Variants in LYRM4 observed in about 807,000 individuals in gnomAD.
LYRM4 encodes LYR motif-containing protein 4.
Under a neutral mutation model 11.7 loss-of-function variants are expected in LYRM4, and 9 were observed. The observed-to-expected ratio is 0.77, with a 90% CI of 0.46 to 1.34. The LOEUF is 1.34. LYRM4 is among the 40% of genes most tolerant of loss of function. LYRM4 has a pLI of 0.00. For synonymous variants in LYRM4, 42 were observed against 40.4 expected, an observed-to-expected ratio of 1.04 and a Z score of -0.15; for missense variants, 133 against 112.5, an observed-to-expected ratio of 1.18 and a Z score of -0.82.
At chr6:5,227,729 C>G (rs556048593) in intron 1 of LYRM4, among the ~76,000 whole-genome samples, 2 of 152,286 alleles carry the variant, frequency 1.3e-5, no homozygotes, top group African/African-American at 4.8e-5. Context: ...GACTTGGAAC[C>G]AACCCAAATG....
intron 1 of LYRM4, among the ~76,000 whole-genome samples, chr6:5,250,934 T>C (rs1213853860): frequency 1.3e-5 from 2 of 152,222 alleles, no homozygotes; most frequent in South Asian, 4.1e-4. Flanking sequence ...TTAAAAAATA[T>C]TTCTGTAATA....
intron 2 of LYRM4, chr6:5,138,805 G>A (rs531992135): frequency 2.9e-5 from 37 of 1,259,244 alleles, no homozygotes; most frequent in Admixed American, 2.4e-4. Context: ...AGAGTTCTTT[G>A]GGATTTCAAA....
chr6:5,075,049 C>T, the LYRM4 span, among the ~76,000 whole-genome samples: 1 of 152,094 alleles, frequency 6.6e-6, no homozygotes, highest in African/African-American at 2.4e-5. Flanking sequence ...CCCACCCTTG[C>T]TCCCTCTCTT....
intron 2 of LYRM4, among the ~76,000 whole-genome samples, chr6:5,146,451 T>A (rs1757728674): frequency 6.6e-6 from 1 of 152,124 alleles, no homozygotes; most frequent in African/African-American, 2.4e-5. Flanking sequence ...TTTTGTGCAG[T>A]CCATAGAGCT....
At chr6:5,038,468 A>G in the LYRM4 span, among the ~76,000 whole-genome samples, 16 of 67,912 alleles carry the variant, frequency 2.4e-4, 4 homozygotes, top group African/African-American at 5.5e-4. Context: ...GACGCTCCCC[A>G]CTTCCCAGAC....
chr6:5,173,139 C>A (rs758472594), intron 2 of LYRM4, among the ~76,000 whole-genome samples: 3 of 152,242 alleles, frequency 2.0e-5, no homozygotes, highest in Non-Finnish European at 2.9e-5. Context: ...CTTCTGCAGA[C>A]ATGTAATAGA....
At chr6:5,085,427 T>TA in the LYRM4 span, 1 of 1,250,600 alleles carries the variant, frequency 8.0e-7, no homozygotes, top group South Asian at 1.4e-5. Flanking sequence ...CCCGAGGAGT[T>TA]AGTTAAGTCT....
chr6:5,131,602 C>T (rs1211805098), intron 2 of LYRM4, among the ~76,000 whole-genome samples: 1 of 152,182 alleles, frequency 6.6e-6, no homozygotes, highest in East Asian at 1.9e-4. Flanking sequence ...AAAACATTGT[C>T]TGTAAGCCAT....
At chr6:5,069,583 C>G in the LYRM4 span, among the ~76,000 whole-genome samples, 1 of 152,048 alleles carries the variant, frequency 6.6e-6, no homozygotes, top group African/African-American at 2.4e-5. Context: ...CGGGTTCAAG[C>G]AATTCTCCTG....
intron 1 of LYRM4, among the ~76,000 whole-genome samples, chr6:5,232,721 G>C (rs1393184137): frequency 2.0e-5 from 3 of 152,184 alleles, no homozygotes; most frequent in Non-Finnish European, 4.4e-5. Flanking sequence ...TCAGAAATCT[G>C]CAACATGCTT....
At chr6:5,047,410 T>A in the LYRM4 span, among the ~76,000 whole-genome samples, 1 of 152,196 alleles carries the variant, frequency 6.6e-6, no homozygotes. Flanking sequence ...CAATATTGCA[T>A]AAGGTTGATC....
chr6:5,109,385 T>C lies in LYRM4; in HGVS notation c.*38A>G. On this transcript the variant is annotated 3_prime_UTR_variant, in exon 3 of 3. Transcript: ENST00000330636. The stretch of plus-strand genomic sequence containing the variant: ...TCAAACAGAGAGTGGATGCTGAAGG[T>C]GGTCCCTGGCCGCCACTGGTGGCTG... The C allele has an allele frequency of 6.2e-7, 1 of 1,613,106 alleles. No homozygotes were observed.
intron 2 of LYRM4, among the ~76,000 whole-genome samples, chr6:5,214,974 A>T (rs1762191584): frequency 6.6e-6 from 1 of 151,780 alleles, no homozygotes; most frequent in South Asian, 2.1e-4. Flanking sequence ...TGCACATGCC[A>T]CTGCTCCAGT....
the LYRM4 span, among the ~76,000 whole-genome samples, chr6:5,050,311 AG>A: frequency 6.6e-6 from 1 of 152,192 alleles, no homozygotes; most frequent in East Asian, 1.9e-4. Flanking sequence ...GCTTGCAAAA[AG>A]CTTGAAGGAG....
At chr6:5,252,834 C>CA (rs1764497186) in intron 1 of LYRM4, among the ~76,000 whole-genome samples, 1 of 152,108 alleles carries the variant, frequency 6.6e-6, no homozygotes, top group East Asian at 1.9e-4. Context: ...ATGAGAGGAA[C>CA]ACCGAGACTC....
At chr6:5,119,419 C>T (rs1345510955) in intron 2 of LYRM4, among the ~76,000 whole-genome samples, 2 of 152,100 alleles carry the variant, frequency 1.3e-5, no homozygotes, top group Non-Finnish European at 2.9e-5. Flanking sequence ...ATCATGAACA[C>T]GCAGTTGTCC....
chr6:5,092,478 G>A, the LYRM4 span, among the ~76,000 whole-genome samples: 20,531 of 152,016 alleles, frequency 0.14, 2,134 homozygotes, highest in African/African-American at 0.29. Context: ...TTCGGAGGCT[G>A]AGGCAGGCGG....
chr6:5,108,351 C>G (rs778973262), downstream of LYRM4: 34 of 778,610 alleles, frequency 4.4e-5, no homozygotes, highest in Non-Finnish European at 5.3e-5. Flanking sequence ...CCCTCGTAAA[C>G]TCCCCAGATG....
chr6:5,083,040 C>T, the LYRM4 span, among the ~76,000 whole-genome samples: 2 of 151,392 alleles, frequency 1.3e-5, no homozygotes, highest in Non-Finnish European at 2.9e-5. Context: ...GAGAGCTCCC[C>T]GGGGGTGGGA....
Sources: gnomAD v4.1 joint callset for allele counts (sites outside exome capture counted in the v4.1 genomes callset) on GRCh38, gnomAD v4.1.1 for gene constraint, MANE v1.5 for transcripts, NCBI Gene and HGNC (gene_info 2026-07-23, HGNC 2026-07-21) for gene names.